The following HEATR4 variants were observed in gnomAD, a reference collection of about 807,000 sequenced individuals.
HEATR4 encodes the protein HEAT repeat containing 4.
Under a neutral mutation model 108.8 loss-of-function variants are expected in HEATR4, and 95 were observed. The observed-to-expected ratio is 0.87, with a 90% CI of 0.74 to 1.04. The LOEUF is 1.04. HEATR4 is among the 50% of genes least tolerant of loss of function. The pLI, the probability that HEATR4 is intolerant of heterozygous loss-of-function variation, is 0.00. For missense variants in HEATR4, 1,152 were observed against 1,253.8 expected (o/e 0.92, Z 1.23); for synonymous variants, 443 against 459.4 (o/e 0.96, Z 0.46).
intron 1 of HEATR4, among the ~76,000 whole-genome samples, chr14:73,545,363 G>C (rs1889216189): frequency 9.8e-6 from 1 of 102,118 alleles, no homozygotes; most frequent in Non-Finnish European, 2.1e-5. Context: ...GCCAGCTTCC[G>C]GCACCTTTTT....
chr14:73,537,330 T>C lies in HEATR4; in HGVS notation c.-151-7086A>G. On this transcript the variant is annotated intron_variant, in intron 1 of 17. Transcript: ENST00000553558. The stretch of plus-strand genomic sequence containing the variant: ...GCTCTGCCCTAGTGGGCGTTTAGCC[T>C]GCGACGGCAGCCCGAGAGGAAGAGT... 9.8e-6 allele frequency: 11 copies of C among 1,116,976 alleles called. 4 individuals carry two copies. The South Asian group carries it at 1.5e-4, about 15-fold the overall frequency. The allele number at this position is 1,116,976 out of a possible 1,614,324, so 69.2% of individuals were successfully genotyped here. A position where few individuals can be genotyped will look rare whatever the true frequency, so the allele number is the denominator to read the frequency against.
intron 4 of HEATR4, among the ~76,000 whole-genome samples, chr14:73,519,415 G>A (rs543282340): frequency 6.6e-6 from 1 of 152,238 alleles, no homozygotes; most frequent in Admixed American, 6.5e-5. Context: ...CACCTCATTA[G>A]AGGCCTGGGA....
the HEATR4 span, among the ~76,000 whole-genome samples, chr14:73,628,047 G>C: frequency 6.6e-6 from 1 of 151,980 alleles, no homozygotes; most frequent in African/African-American, 2.4e-5. Flanking sequence ...GACCTCAAGT[G>C]ATCTGCCCGC....
At chr14:73,569,615 G>A in the HEATR4 span, 1 of 1,600,516 alleles carries the variant, frequency 6.2e-7, no homozygotes, top group Non-Finnish European at 8.5e-7. Flanking sequence ...TGGACCTGGA[G>A]CGCGCGCCCG....
chr14:73,586,566 C>T, the HEATR4 span, among the ~76,000 whole-genome samples: 8 of 151,862 alleles, frequency 5.3e-5, no homozygotes, highest in East Asian at 9.7e-4. Context: ...ATTAGCCTGG[C>T]GTGGTGGCAT....
At chr14:73,508,023 G>A (rs542864959) in intron 9 of HEATR4, 111 bp downstream of exon 9, 2 of 1,019,338 alleles carry the variant, frequency 2.0e-6, no homozygotes, top group Non-Finnish European at 3.0e-6. Context: ...TGGGATTACA[G>A]GCATAAGCCA....
upstream of HEATR4, among the ~76,000 whole-genome samples, chr14:73,560,120 A>G (rs1889495498): frequency 6.6e-6 from 1 of 152,142 alleles, no homozygotes; most frequent in South Asian, 2.1e-4. Context: ...AGTCTTACAG[A>G]TACAGAAATT....
At chr14:73,535,463 TTC>T (rs1888827062) in intron 1 of HEATR4, among the ~76,000 whole-genome samples, 1 of 38,574 alleles carries the variant, frequency 2.6e-5, no homozygotes, top group Non-Finnish European at 5.4e-5. Flanking sequence ...TTTCTTTTTC[TTC>T]TTTCTTTTTT....
chr14:73,582,766 A>C, the HEATR4 span: 6 of 151,782 alleles, frequency 4.0e-5, no homozygotes, highest in African/African-American at 1.2e-4. Context: ...ATCATGTAAG[A>C]CTCCCATAAA....
chr14:73,502,406 C>G (rs1886527655), intron 11 of HEATR4, among the ~76,000 whole-genome samples: 1 of 152,160 alleles, frequency 6.6e-6, no homozygotes, highest in African/African-American at 2.4e-5. Flanking sequence ...AAACCATTGC[C>G]TCACACCTAC....
the HEATR4 span, chr14:73,569,211 G>C: frequency 6.2e-7 from 1 of 1,609,978 alleles, no homozygotes; most frequent in Non-Finnish European, 8.5e-7. Flanking sequence ...GCCCTAGTGG[G>C]CGCTTAGCCT....
In HEATR4 at chr14:73,498,336, G is replaced by A. The variant is rs1886225495; in HGVS notation, c.2365C>T (p.Gln789Ter). 1.3e-6 allele frequency: 2 copies of A among 1,598,478 alleles called. No individual in the cohort carries two copies. The highest frequency in any genetic ancestry group is 1.7e-6 in the Non-Finnish European group (2 of 1,168,958). The change falls in exon 14 of 18, where the codon CAG (glutamine) becomes TAG (stop). Residue 789 changes from glutamine to a stop codon, truncating the protein, a stop_gained. Coordinates refer to ENST00000553558, the MANE Select transcript of HEATR4 (RefSeq NM_001220484.1). LOFTEE classifies it high-confidence loss of function. ...IKAFAIRALG[Q>*]IGQVSPELTD... ...AGCTCGGGACTTACTTGCCCAATCT[G>A]TCCCAAAGCTGCAGAGATTAGAGGG...
In HEATR4 at chr14:73,500,625, G is replaced by C; in HGVS notation, c.2211C>G (p.Cys737Trp). Reference sequence around the variant, plus strand: ...GAACTGCTGTGAAGTCATCAGAGAAGCAGTGCAGGAAGCTTGGGAGAAGCT... The same window carrying C: ...GAACTGCTGTGAAGTCATCAGAGAACCAGTGCAGGAAGCTTGGGAGAAGCT... ...TAKLLPSFLH[C>W]FSDDFTAVRR... is the part of the protein sequence containing the mutation. The change falls in exon 12 of 18, where the codon TGC (cysteine) becomes TGG (tryptophan). Residue 737 changes from cysteine (C) to tryptophan (W), a missense_variant. Coordinates refer to ENST00000553558, the MANE Select transcript of HEATR4 (RefSeq NM_001220484.1). The C allele has an allele frequency of 6.2e-7, 1 of 1,614,176 alleles. No homozygotes were observed.
At chr14:73,572,325 C>T in the HEATR4 span, among the ~76,000 whole-genome samples, 1 of 151,436 alleles carries the variant, frequency 6.6e-6, no homozygotes, top group South Asian at 2.1e-4. Flanking sequence ...CAACATCTAT[C>T]AAGATATACA....
the HEATR4 span, among the ~76,000 whole-genome samples, chr14:73,585,814 CTTTTTCTT>C: frequency 2.8e-4 from 38 of 137,284 alleles, no homozygotes; most frequent in African/African-American, 9.9e-4. Flanking sequence ...ACTGTTTTGT[CTTTTTCTT>C]TTTTTTTTTT....
the HEATR4 span, chr14:73,573,328 A>G: frequency 6.2e-7 from 1 of 1,609,818 alleles, no homozygotes; most frequent in Admixed American, 1.7e-5. Context: ...TGTTTAACTT[A>G]AACCATCCAA....
chr14:73,623,913 T>C, the HEATR4 span, among the ~76,000 whole-genome samples: 4 of 151,884 alleles, frequency 2.6e-5, no homozygotes, highest in African/African-American at 9.7e-5. Context: ...CTGCAGTGAG[T>C]GGAAGCAGTC....
chr14:73,632,835 C>A, the HEATR4 span, among the ~76,000 whole-genome samples: 3 of 124,340 alleles, frequency 2.4e-5, no homozygotes, highest in Middle Eastern at 7.6e-3. Context: ...CAGAGTGAGA[C>A]CCTGTCTCAA....
intron 1 of HEATR4, among the ~76,000 whole-genome samples, chr14:73,538,611 C>CAA (rs59948219): frequency 0.017 from 474 of 27,170 alleles, 47 homozygotes; most frequent in African/African-American, 0.044. Context: ...GACTCCGTCT[C>CAA]AAAAAAAAAA....
Sources: gnomAD v4.1 joint callset for allele counts (sites outside exome capture counted in the v4.1 genomes callset) on GRCh38, gnomAD v4.1.1 for gene constraint, MANE v1.5 for transcripts, NCBI Gene and HGNC (gene_info 2026-07-23, HGNC 2026-07-21) for gene names.